CD82: variants seen among roughly 807,000 people sequenced by gnomAD.
CD82 encodes CD82 antigen.
Under a neutral mutation model 37.4 loss-of-function variants are expected in CD82, and 36 were observed. The observed-to-expected ratio is 0.96, with a 90% CI of 0.74 to 1.27. The LOEUF is 1.27. CD82 is among the 50% of genes most tolerant of loss of function. The pLI, the probability that CD82 is intolerant of heterozygous loss-of-function variation, is 0.00. For synonymous variants in CD82, 158 were observed against 137.4 expected (o/e 1.15, Z -1.05); for missense variants, 340 against 347.0 (o/e 0.98, Z 0.16).
At chr11:44,569,923 A>G (rs1852791035) in intron 1 of CD82, among the ~76,000 whole-genome samples, 1 of 152,222 alleles carries the variant, frequency 6.6e-6, no homozygotes, top group Non-Finnish European at 1.5e-5. Context: ...GGAGAAGACA[A>G]AAAAGTGCAC....
chr11:44,606,514 G>T (rs944604837), intron 6 of CD82: 1 of 152,814 alleles, frequency 6.5e-6, no homozygotes, highest in African/African-American at 2.4e-5. Context: ...CCCCAGACTG[G>T]GTTACAAAGC....
At chr11:44,588,748 G>A (rs1472270333) in intron 2 of CD82, among the ~76,000 whole-genome samples, 4 of 152,200 alleles carry the variant, frequency 2.6e-5, no homozygotes, top group East Asian at 3.8e-4. Flanking sequence ...GGGTCAGAGG[G>A]TGGCAGTGGT....
chr11:44,619,208 G>GC lies in CD82; in HGVS notation c.*84dup, dbSNP rs1853620132. 1 of 1,110,370 alleles carries GC rather than the reference G, an allele frequency of 9.0e-7. No homozygotes were observed. Among genetic ancestry groups the GC allele is most frequent in the Non-Finnish European group, 1.4e-6 (1 of 722,662 alleles). 68.8% of individuals were successfully genotyped at this position (1,110,370 alleles called of 1,614,324 possible). ...CTCCCTGGCTCCCTCCTCCAGGCCT[G>GC]CCTCCCACTTCACTGCGAAGACCCT... On this transcript the variant is annotated 3_prime_UTR_variant, in exon 10 of 10. Coordinates refer to ENST00000227155, the MANE Select transcript of CD82 (RefSeq NM_002231.4).
rs577647055 is a variant in CD82 at position 44,615,489 on chromosome 11, T to C, written c.438+116T>C. 6.8e-5 allele frequency: 47 copies of C among 688,828 alleles called. No homozygotes were observed. In the African/African-American group the frequency reaches 7.7e-4, roughly 11 times the overall value. 42.7% of individuals were successfully genotyped at this position (688,828 alleles called of 1,614,324 possible). A position where few individuals can be genotyped will look rare whatever the true frequency, so the allele number is the denominator to read the frequency against. ...GCAGTGCTCGTGTGTGCCTGACAGTTTGTAGGAGAGTGTGCTTCTATGGGG... is the reference window on the plus strand; with the variant it reads ...GCAGTGCTCGTGTGTGCCTGACAGTCTGTAGGAGAGTGTGCTTCTATGGGG... On this transcript the variant is annotated intron_variant, in intron 7 of 9. Coordinates refer to ENST00000227155, the MANE Select transcript of CD82 (RefSeq NM_002231.4).
At chr11:44,614,436 GTGTGCA>G (rs1338802007) in intron 6 of CD82, among the ~76,000 whole-genome samples, 1 of 152,204 alleles carries the variant, frequency 6.6e-6, no homozygotes, top group East Asian at 1.9e-4. Flanking sequence ...TGGTGGTTAG[GTGTGCA>G]TTCAGCATTC....
intron 3 of CD82, among the ~76,000 whole-genome samples, chr11:44,598,008 G>A (rs187993495): frequency 6.6e-6 from 1 of 152,332 alleles, no homozygotes; most frequent in East Asian, 1.9e-4. Flanking sequence ...GGCCCAGGAT[G>A]GATCCAAAAT....
intron 1 of CD82, among the ~76,000 whole-genome samples, chr11:44,586,618 T>G (rs1853058807): frequency 6.6e-6 from 1 of 152,142 alleles, no homozygotes; most frequent in African/African-American, 2.4e-5. Flanking sequence ...TTTACACCAT[T>G]GCACTCCAGC....
chr11:44,594,383 C>T (rs1002781297), intron 2 of CD82, among the ~76,000 whole-genome samples: 1 of 143,606 alleles, frequency 7.0e-6, no homozygotes, highest in African/African-American at 2.7e-5. Context: ...TGTCATTTTG[C>T]TCCCACCAGC....
chr11:44,596,417 G>T (rs894176946), intron 3 of CD82, among the ~76,000 whole-genome samples: 1 of 152,264 alleles, frequency 6.6e-6, no homozygotes, highest in African/African-American at 2.4e-5. Context: ...AGGAGATCAC[G>T]GAGCTTGGGT....
At chr11:44,617,721 G>T (rs1448364308) in intron 7 of CD82, among the ~76,000 whole-genome samples, 1 of 152,144 alleles carries the variant, frequency 6.6e-6, no homozygotes, top group African/African-American at 2.4e-5. Context: ...CCTATGCTTG[G>T]TACTTTGCCT....
upstream of CD82, chr11:44,565,655 C>T (rs927329196): frequency 6.6e-6 from 1 of 151,012 alleles, no homozygotes; most frequent in Non-Finnish European, 1.5e-5. Flanking sequence ...GACTGAGCCC[C>T]GGGCTGTGCA....
chr11:44,580,250 C>A (rs552334301), intron 1 of CD82, among the ~76,000 whole-genome samples: 2 of 152,342 alleles, frequency 1.3e-5, no homozygotes, highest in South Asian at 4.1e-4. Context: ...TCTATGGAGA[C>A]AGAGTCCCTG....
chr11:44,615,941 C>T (rs139777004), intron 7 of CD82, among the ~76,000 whole-genome samples: 5 of 152,300 alleles, frequency 3.3e-5, no homozygotes, highest in African/African-American at 4.8e-5. Flanking sequence ...GATGGACGGA[C>T]GGACTGACCG....
chr11:44,618,119 G>A (rs376302357), intron 7 of CD82, 43 bp from the exon 8 acceptor site: 3 of 1,588,654 alleles, frequency 1.9e-6, no homozygotes, highest in Non-Finnish European at 1.7e-6. Context: ...GCCTGCCTAG[G>A]GTGAGCCGTG....
intron 9 of CD82, 122 bp from the exon 10 acceptor site, chr11:44,618,927 A>G (rs11038081): frequency 0.094 from 86,884 of 925,884 alleles, 4,679 homozygotes; most frequent in Middle Eastern, 0.13. Context: ...CCTGCATCAC[A>G]GGGTGGTTGT....
Position 44,596,835 on chromosome 11 carries a change from G to C in CD82, c.63+2110G>C, listed in dbSNP as rs550383969. The C allele has an allele frequency of 7.8e-5, 35 of 450,076 alleles. No homozygotes were observed. The East Asian group carries it at 2.4e-3, about 31-fold the overall frequency. 27.9% of individuals were successfully genotyped at this position (450,076 alleles called of 1,614,324 possible). ...GAAGAGCCCTGATTGCTATACTTCCGGAGCTTGTGTCCTAGGGAGCAGTGG... is the reference window on the plus strand; with the variant it reads ...GAAGAGCCCTGATTGCTATACTTCCCGAGCTTGTGTCCTAGGGAGCAGTGG... On this transcript the variant is annotated intron_variant, in intron 3 of 9. Transcript: ENST00000227155.
intron 2 of CD82, among the ~76,000 whole-genome samples, chr11:44,589,100 A>C (rs1461450302): frequency 6.6e-6 from 1 of 152,182 alleles, no homozygotes; most frequent in Non-Finnish European, 1.5e-5. Context: ...CTATTAATAC[A>C]CAAAAGTTAG....
intron 1 of CD82, among the ~76,000 whole-genome samples, chr11:44,577,549 G>A (rs560507503): frequency 6.6e-6 from 1 of 152,148 alleles, no homozygotes; most frequent in Non-Finnish European, 1.5e-5. Context: ...GGCAGGGCAT[G>A]CAGCTGAGTC....
chr11:44,581,006 A>G (rs779001525), intron 1 of CD82, among the ~76,000 whole-genome samples: 1 of 151,926 alleles, frequency 6.6e-6, no homozygotes, highest in Non-Finnish European at 1.5e-5. Flanking sequence ...TAATCACCCT[A>G]CTCAGGGCCC....
Sources: allele counts gnomAD v4.1 joint callset (sites outside exome capture counted in the v4.1 genomes callset), GRCh38; gene constraint gnomAD v4.1.1; transcripts MANE v1.5; gene names NCBI Gene and HGNC (gene_info 2026-07-23, HGNC 2026-07-21).